ZIM2: variants seen among roughly 807,000 people sequenced by gnomAD.
The protein encoded by ZIM2 is zinc finger protein 656.
In ZIM2, 14 loss-of-function variants were observed where a neutral mutation model predicts 38.6. That is an observed-to-expected ratio of 0.36 (90% CI 0.24 to 0.57). The LOEUF (loss-of-function observed/expected upper bound fraction) is 0.57, where lower values mean the gene tolerates loss of function less well. ZIM2 is among the 20% of genes least tolerant of loss of function. ZIM2 has a pLI of 0.81. For missense variants in ZIM2, 680 were observed against 695.1 expected (o/e 0.98, Z 0.24); for synonymous variants, 247 against 245.8 (o/e 1.00, Z -0.04).
chr19:56,785,163 C>G (rs2046531170), intron 10 of ZIM2, among the ~76,000 whole-genome samples: 2 of 152,166 alleles, frequency 1.3e-5, no homozygotes, highest in Admixed American at 1.3e-4. Context: ...ATGGCACCAT[C>G]AGCAAAAGCT....
chr19:56,779,225 G>A, intron 12 of ZIM2, 152 bp downstream of exon 12: 1 of 648,896 alleles, frequency 1.5e-6, no homozygotes, highest in Non-Finnish European at 2.6e-6. Context: ...GCTGCATGAA[G>A]AGATGGGCTT....
chr19:56,831,266 T>A (rs1425766113), intron 2 of ZIM2, among the ~76,000 whole-genome samples: 1 of 152,190 alleles, frequency 6.6e-6, no homozygotes, highest in Admixed American at 6.5e-5. Context: ...TTCAACTGTG[T>A]AAAAGTCTAT....
intron 9 of ZIM2, chr19:56,812,930 A>G: frequency 2.0e-6 from 2 of 985,786 alleles, no homozygotes; most frequent in Non-Finnish European, 2.4e-6. Flanking sequence ...GCCAATCCGT[A>G]TATTGTAAAG....
intron 2 of ZIM2, among the ~76,000 whole-genome samples, chr19:56,832,376 C>T (rs1006804441): frequency 1.3e-5 from 2 of 152,092 alleles, no homozygotes; most frequent in Admixed American, 6.5e-5. Context: ...AGTGACTGTA[C>T]CACAGAGGGG....
intron 9 of ZIM2, among the ~76,000 whole-genome samples, chr19:56,796,218 C>T (rs2047218975): frequency 6.6e-6 from 1 of 152,186 alleles, no homozygotes; most frequent in Non-Finnish European, 1.5e-5. Context: ...TGTAAAATGG[C>T]ATAGTATTTG....
At chr19:56,833,259 T>C (rs1047097481) in intron 2 of ZIM2, 1 of 471,936 alleles carries the variant, frequency 2.1e-6, no homozygotes, top group African/African-American at 2.0e-5. Flanking sequence ...ATGGTGCACC[T>C]AGATTCAGCC....
chr19:56,807,790 C>CAA (rs34097958), intron 9 of ZIM2, among the ~76,000 whole-genome samples: 24,824 of 138,662 alleles, frequency 0.18, 2,467 homozygotes, highest in Non-Finnish European at 0.24. Flanking sequence ...GACCTTGTCT[C>CAA]AAAAAAAAAA....
rs2146132330 is a variant in ZIM2, at chr19:56,814,069, A to C, written c.490+3677T>G. 1 of 1,614,032 alleles carries C rather than the reference A, an allele frequency of 6.2e-7. No homozygotes were observed. The highest frequency in any genetic ancestry group is 1.6e-4 in the Middle Eastern group (1 of 6,062). ...TTCAGCTCTTTCTTCTGGGTCTTCA[A>C]TACCTGCACCATCTGGCTCATCAGC... On this transcript the variant is annotated intron_variant, in intron 9 of 12. Coordinates refer to ENST00000629319, the MANE Select transcript of ZIM2 (RefSeq NM_001387356.1). This position sits in a 1 kb window ranked among gnomAD's most constrained non-coding sequence, Gnocchi z 5.8.
intron 9 of ZIM2, chr19:56,816,180 A>G (rs2059960970): frequency 6.2e-7 from 1 of 1,613,480 alleles, no homozygotes; most frequent in East Asian, 2.2e-5. Context: ...CATAGGGGTT[A>G]GAGCTAATGG....
At position 56,778,026 on chromosome 19, in the gene ZIM2, GC is replaced by G. The variant is rs527733082; in HGVS notation, c.835+1350del. Among the ~76,000 whole-genome samples the G allele has an allele frequency of 2.6e-4, 40 of 152,152 alleles. 1 individual carries two copies. In the South Asian group the frequency reaches 8.3e-3, roughly 32 times the overall value. Reference sequence around the variant, plus strand: ...TTCCTCAAGATTTCTACATTGGTCAGCCCCCCATCTCATTCAAGTCTTCCAC... The same window carrying G: ...TTCCTCAAGATTTCTACATTGGTCAGCCCCCATCTCATTCAAGTCTTCCAC... On this transcript the variant is annotated intron_variant, in intron 12 of 12. Coordinates refer to ENST00000629319, the MANE Select transcript of ZIM2 (RefSeq NM_001387356.1).
chr19:56,825,746 G>GA (rs1049486945), intron 3 of ZIM2, among the ~76,000 whole-genome samples: 32 of 151,518 alleles, frequency 2.1e-4, no homozygotes, highest in African/African-American at 6.3e-4. Context: ...TTCCAGAGAA[G>GA]AAAAAAAACC....
intron 9 of ZIM2, among the ~76,000 whole-genome samples, chr19:56,808,936 T>G (rs2047910698): frequency 6.6e-6 from 1 of 152,106 alleles, no homozygotes; most frequent in African/African-American, 2.4e-5. Flanking sequence ...TGAGTCTGAC[T>G]GGACACGGGG....
At chr19:56,827,381 G>GA (rs2061147822) in intron 2 of ZIM2, among the ~76,000 whole-genome samples, 1 of 151,794 alleles carries the variant, frequency 6.6e-6, no homozygotes, top group South Asian at 2.1e-4. Context: ...AGAAGCCATT[G>GA]AAAAATGGAA....
In ZIM2 at chr19:56,823,731, T is replaced by C. The variant is rs1469494218; in HGVS notation, c.17-52A>G. 5 of 1,598,892 alleles carry C rather than the reference T, an allele frequency of 3.1e-6. No individual in the cohort carries two copies. The African/African-American group carries it at 4.0e-5, about 13-fold the overall frequency. On this transcript the variant is annotated intron_variant, in intron 4 of 12. Transcript: ENST00000629319. ...CTATCTCTGGCCCACATTCTCACAA[T>C]AGTTCCCCCCAATCCCTGAGCCGCA... is the stretch of plus-strand genomic sequence containing the variant.
At position 56,775,291 on chromosome 19, in the gene ZIM2, G is replaced by C; in HGVS notation, c.1074C>G (p.His358Gln). The C allele has an allele frequency of 1.2e-6, 2 of 1,614,162 alleles. No homozygotes were observed. ...SPQSASQENK[H>Q]NRCEFCKRTF... Reference sequence around the variant, plus strand: ...TTCGTTTGCAAAATTCACATCTGTTGTGTTTGTTCTCTTGGGATGCTGACT... The same window carrying C: ...TTCGTTTGCAAAATTCACATCTGTTCTGTTTGTTCTCTTGGGATGCTGACT... Residue 358 changes from histidine to glutamine, a missense_variant, in exon 13 of 13, where the codon CAC becomes CAG. Coordinates refer to ENST00000629319, the MANE Select transcript of ZIM2 (RefSeq NM_001387356.1).
rs760648993 is a variant in ZIM2 at position 56,824,425 on chromosome 19, C to T, written c.-148G>A. The T allele has an allele frequency of 3.2e-5, 52 of 1,613,992 alleles. No homozygotes were observed. The East Asian group carries it at 5.6e-4, about 17-fold the overall frequency. ...TGATCTCCTCCTTGGTGCGGGTCTCCGGCTGCAACCAATCGAGGCAGAGGT... is the reference window on the plus strand; with the variant it reads ...TGATCTCCTCCTTGGTGCGGGTCTCTGGCTGCAACCAATCGAGGCAGAGGT... On this transcript the variant is annotated splice_region_variant and 5_prime_UTR_variant, in exon 4 of 13. Transcript: ENST00000629319.
At chr19:56,776,818 C>A (rs1417670387) in intron 12 of ZIM2, among the ~76,000 whole-genome samples, 1 of 151,964 alleles carries the variant, frequency 6.6e-6, no homozygotes, top group South Asian at 2.1e-4. Flanking sequence ...CATTTGGCGT[C>A]AGTAAACGGG....
At chr19:56,822,615 T>C in intron 6 of ZIM2, 138 bp downstream of exon 6, 1 of 1,211,964 alleles carries the variant, frequency 8.3e-7, no homozygotes, top group Non-Finnish European at 1.2e-6. Flanking sequence ...ATACGAGCCT[T>C]GGACTAAACT....
In ZIM2 at chr19:56,816,052, C is replaced by A. The variant is rs35947541; in HGVS notation, c.490+1694G>T. ...AGACTCTGCCATTACTTTTGGTTTACTGGGCCCTGCTACACTGTGACTTTT... is the reference window on the plus strand; with the variant it reads ...AGACTCTGCCATTACTTTTGGTTTAATGGGCCCTGCTACACTGTGACTTTT... On this transcript the variant is annotated intron_variant, in intron 9 of 12. Coordinates refer to ENST00000629319, the MANE Select transcript of ZIM2 (RefSeq NM_001387356.1). 1.5e-3 allele frequency: 2,439 copies of A among 1,598,614 alleles called. 21 individuals are homozygous for A. In the African/African-American group the frequency reaches 0.022, roughly 15 times the overall value.
Sources: allele counts gnomAD v4.1 joint callset (sites outside exome capture counted in the v4.1 genomes callset), GRCh38; gene constraint gnomAD v4.1.1; non-coding constraint Gnocchi (gnomAD v3.1); transcripts MANE v1.5; gene names NCBI Gene and HGNC (gene_info 2026-07-23, HGNC 2026-07-21).